The following ABI3BP variants were observed in gnomAD, a reference collection of about 807,000 sequenced individuals.
The protein encoded by ABI3BP is target of Nesh-SH3.
In ABI3BP, 216 loss-of-function variants were observed where a neutral mutation model predicts 268.6. That is an observed-to-expected ratio of 0.80 (90% CI 0.72 to 0.90). The LOEUF (loss-of-function observed/expected upper bound fraction) is 0.90. ABI3BP is among the 40% of genes least tolerant of loss of function. ABI3BP has a pLI of 0.00. For synonymous variants in ABI3BP, 730 were observed against 730.0 expected, an observed-to-expected ratio of 1.00 and a Z score of 0.00; for missense variants, 2,090 against 2,182.4, an observed-to-expected ratio of 0.96 and a Z score of 0.84.
At chr3:100,957,295 T>A (rs1328742552) in intron 1 of ABI3BP, among the ~76,000 whole-genome samples, 1 of 152,166 alleles carries the variant, frequency 6.6e-6, no homozygotes, top group Non-Finnish European at 1.5e-5. Context: ...TGTCTCCAGT[T>A]TTATTGACTC....
intron 1 of ABI3BP, among the ~76,000 whole-genome samples, chr3:100,962,860 T>C (rs2079633204): frequency 6.6e-6 from 1 of 152,174 alleles, no homozygotes; most frequent in Non-Finnish European, 1.5e-5. Context: ...TGACAGCTCC[T>C]GAATTTGTAG....
intron 2 of ABI3BP, among the ~76,000 whole-genome samples, chr3:100,915,003 A>G (rs1043883059): frequency 4.6e-5 from 7 of 152,164 alleles, no homozygotes; most frequent in Non-Finnish European, 1.0e-4. Flanking sequence ...CAAAATCAAA[A>G]GGTAGGACCC....
intron 6 of ABI3BP, among the ~76,000 whole-genome samples, chr3:100,876,838 AT>A (rs1487984420): frequency 7.2e-6 from 1 of 139,012 alleles, no homozygotes; most frequent in Admixed American, 7.2e-5. Flanking sequence ...AAAAAAAAAA[AT>A]TAGTTGGGCA....
intron 6 of ABI3BP, among the ~76,000 whole-genome samples, chr3:100,878,066 A>G (rs545892759): frequency 6.6e-6 from 1 of 152,314 alleles, no homozygotes; most frequent in South Asian, 2.1e-4. Flanking sequence ...CGTTGACTCA[A>G]TGATTTCCTC....
At chr3:100,941,943 A>G (rs181550459) in intron 1 of ABI3BP, among the ~76,000 whole-genome samples, 20 of 152,140 alleles carry the variant, frequency 1.3e-4, no homozygotes, top group Non-Finnish European at 8.8e-5. Flanking sequence ...TTGGAAGGGG[A>G]AGGTGGGAGA....
chr3:100,914,847 A>T (rs958743113), intron 2 of ABI3BP, among the ~76,000 whole-genome samples: 17 of 152,178 alleles, frequency 1.1e-4, no homozygotes, highest in Non-Finnish European at 7.3e-5. Flanking sequence ...TTCTAAACAG[A>T]GGGTCATTTT....
chr3:100,796,730 G>T (rs2097356658), intron 51 of ABI3BP, among the ~76,000 whole-genome samples: 1 of 152,062 alleles, frequency 6.6e-6, no homozygotes, highest in African/African-American at 2.4e-5. Context: ...GGAGGAGATA[G>T]CTAACATAAT....
At chr3:100,863,145 C>T (rs952270261) in intron 12 of ABI3BP, 14 of 439,090 alleles carry the variant, frequency 3.2e-5, no homozygotes, top group African/African-American at 2.6e-4. Context: ...CTTCTTTCCA[C>T]CCTTATTAAA....
chr3:100,805,224 T>C (rs1196292557), intron 50 of ABI3BP, among the ~76,000 whole-genome samples: 3 of 152,154 alleles, frequency 2.0e-5, no homozygotes, highest in African/African-American at 7.2e-5. Flanking sequence ...AAACCCATTT[T>C]TATGTCTTTC....
intron 1 of ABI3BP, among the ~76,000 whole-genome samples, chr3:100,929,468 C>T (rs908999206): frequency 6.6e-6 from 1 of 152,052 alleles, no homozygotes; most frequent in Non-Finnish European, 1.5e-5. Context: ...TGGCATTTAG[C>T]TGTTCTACTT....
At chr3:100,988,883 G>T (rs1238324647) in intron 1 of ABI3BP, among the ~76,000 whole-genome samples, 1 of 152,182 alleles carries the variant, frequency 6.6e-6, no homozygotes, top group Non-Finnish European at 1.5e-5. Flanking sequence ...CCACTTTCTA[G>T]CTATATTACT....
At position 100,875,487 on chromosome 3, in the gene ABI3BP, TA is replaced by T. The variant is rs753101363; in HGVS notation, c.817+20del. Reference sequence around the variant, plus strand: ...TAGCCCGATTTGCTTAATCTCGGCATAGATTTCGAGATCCACTCACCTAGTA... The same window carrying T: ...TAGCCCGATTTGCTTAATCTCGGCATGATTTCGAGATCCACTCACCTAGTA... On this transcript the variant is annotated intron_variant, in intron 8 of 67. Coordinates refer to ENST00000471714, the MANE Select transcript of ABI3BP (RefSeq NM_001375547.2). 2.1e-4 allele frequency: 56 copies of T among 265,020 alleles called. No individual in the cohort carries two copies. Among genetic ancestry groups the T allele is most frequent in the Non-Finnish European group, 2.9e-4 (52 of 178,688 alleles). The allele number at this position is 265,020 out of a possible 1,614,324, so 16.4% of individuals were successfully genotyped here.
intron 58 of ABI3BP, 189 bp from the exon 59 acceptor site, chr3:100,778,565 C>A (rs2096776727): frequency 3.3e-6 from 2 of 606,328 alleles, no homozygotes; most frequent in East Asian, 2.8e-5. Flanking sequence ...TTGGTAATGT[C>A]CCCAGGGACA....
At chr3:100,770,397 T>C (rs1011199815) in intron 62 of ABI3BP, among the ~76,000 whole-genome samples, 2 of 152,176 alleles carry the variant, frequency 1.3e-5, no homozygotes, top group African/African-American at 4.8e-5. Context: ...GAAATGGGGT[T>C]GGTGAAAGGA....
chr3:100,792,679 G>A lies in ABI3BP; in HGVS notation c.4024+12C>T. ...GGAAAAGTTATTCTCCAGAGGTAGG[G>A]GAGAGGATTACCCTGAGTTGTCTTT... On this transcript the variant is annotated intron_variant, in intron 55 of 67. Coordinates refer to ENST00000471714, the MANE Select transcript of ABI3BP (RefSeq NM_001375547.2). 6.2e-7 allele frequency: 1 copy of A among 1,608,814 alleles called. No homozygotes were observed. Among genetic ancestry groups the A allele is most frequent in the Non-Finnish European group, 8.5e-7 (1 of 1,176,082 alleles).
At chr3:100,781,827 A>G (rs1259517678) in intron 57 of ABI3BP, among the ~76,000 whole-genome samples, 2 of 152,146 alleles carry the variant, frequency 1.3e-5, no homozygotes, top group African/African-American at 4.8e-5. Flanking sequence ...ACTTGACTTA[A>G]TCCTTACAAC....
intron 67 of ABI3BP, 33 bp downstream of exon 67, chr3:100,751,519 C>G: frequency 6.5e-7 from 1 of 1,538,414 alleles, no homozygotes; most frequent in Non-Finnish European, 8.8e-7. Context: ...ATCTGTAAAA[C>G]TCTGTTCTTA....
chr3:100,968,892 A>C (rs1216490721), intron 1 of ABI3BP, among the ~76,000 whole-genome samples: 2 of 151,726 alleles, frequency 1.3e-5, no homozygotes, highest in Non-Finnish European at 2.9e-5. Flanking sequence ...TCCTGTGTCC[A>C]TATGTTCTCA....
intron 1 of ABI3BP, among the ~76,000 whole-genome samples, chr3:100,958,402 G>T (rs577412605): frequency 6.6e-6 from 1 of 152,222 alleles, no homozygotes; most frequent in South Asian, 2.1e-4. Context: ...TTAACCAGAC[G>T]GATAAGCAAC....
Sources: gnomAD v4.1 joint callset for allele counts (sites outside exome capture counted in the v4.1 genomes callset) on GRCh38, gnomAD v4.1.1 for gene constraint, MANE v1.5 for transcripts, NCBI Gene and HGNC (gene_info 2026-07-23, HGNC 2026-07-21) for gene names.